ROBO1: variants seen among roughly 807,000 people sequenced by gnomAD.
ROBO1 encodes roundabout guidance receptor 1.
Under a neutral mutation model 195.9 loss-of-function variants are expected in ROBO1, and 149 were observed. That is an observed-to-expected ratio of 0.76 (90% CI 0.67 to 0.87). ROBO1 has a LOEUF of 0.87. ROBO1 is among the 40% of genes least tolerant of loss of function. ROBO1 has a pLI of 0.00. For missense variants in ROBO1, 1,933 were observed against 2,068.3 expected (o/e 0.93, Z 1.27); for synonymous variants, 816 against 733.2 (o/e 1.11, Z -1.82).
chr3:79,413,248 G>A (rs2037856505), intron 2 of ROBO1, among the ~76,000 whole-genome samples: 2 of 152,030 alleles, frequency 1.3e-5, no homozygotes, highest in Non-Finnish European at 2.9e-5. Context: ...TTTACTGTTA[G>A]CTCCCTGTTC....
chr3:78,708,427 C>T (rs1401858592), intron 8 of ROBO1, among the ~76,000 whole-genome samples: 1 of 151,382 alleles, frequency 6.6e-6, no homozygotes, highest in Non-Finnish European at 1.5e-5. Context: ...CTGTATTCAC[C>T]ATGCTTTTCC....
intron 4 of ROBO1, among the ~76,000 whole-genome samples, chr3:78,800,499 AAAT>A (rs1458239044): frequency 6.6e-6 from 1 of 152,120 alleles, no homozygotes; most frequent in African/African-American, 2.4e-5. Context: ...GTAATACTAA[AAAT>A]AATACTATCC....
At chr3:78,776,919 A>G (rs997748104) in intron 4 of ROBO1, among the ~76,000 whole-genome samples, 1 of 152,356 alleles carries the variant, frequency 6.6e-6, no homozygotes, top group Admixed American at 6.5e-5. Context: ...ATTATACAAG[A>G]CACACTTAAA....
chr3:79,234,367 A>G (rs113468872), intron 2 of ROBO1, among the ~76,000 whole-genome samples: 104 of 152,234 alleles, frequency 6.8e-4, no homozygotes, highest in African/African-American at 2.4e-3. Context: ...TTTTGCATAT[A>G]GCGAAAGATA....
At chr3:79,713,760 T>A (rs1560123894) in intron 1 of ROBO1, among the ~76,000 whole-genome samples, 1 of 152,164 alleles carries the variant, frequency 6.6e-6, no homozygotes, top group Non-Finnish European at 1.5e-5. Flanking sequence ...CATCTTGAAT[T>A]AATTTTTGTA....
chr3:79,639,432 A>T (rs1248323242), intron 1 of ROBO1, among the ~76,000 whole-genome samples: 3 of 152,180 alleles, frequency 2.0e-5, no homozygotes, highest in African/African-American at 4.8e-5. Flanking sequence ...AAGAAGAAAG[A>T]ACATTTTCTA....
At chr3:79,017,450 AGTGTGTGTGTGTGTGTGT>A (rs60522056) in intron 3 of ROBO1, among the ~76,000 whole-genome samples, 18 of 133,512 alleles carry the variant, frequency 1.3e-4, no homozygotes, top group Admixed American at 8.4e-4. Context: ...TCCGAGGTGC[AGTGTGTGTGTGTGTGTGT>A]GTGTGTGTGT....
At chr3:79,278,126 C>T (rs2031201230) in intron 2 of ROBO1, among the ~76,000 whole-genome samples, 1 of 151,700 alleles carries the variant, frequency 6.6e-6, no homozygotes, top group Admixed American at 6.6e-5. Context: ...AAGACATTTT[C>T]AAAGAAAACT....
intron 3 of ROBO1, among the ~76,000 whole-genome samples, chr3:78,981,913 C>T (rs1300798427): frequency 6.6e-6 from 1 of 151,908 alleles, no homozygotes; most frequent in African/African-American, 2.4e-5. Flanking sequence ...GTCTTAAAAC[C>T]CCCACTGCAG....
At chr3:78,731,351 C>T (rs1013970550) in intron 5 of ROBO1, among the ~76,000 whole-genome samples, 2 of 151,942 alleles carry the variant, frequency 1.3e-5, no homozygotes, top group African/African-American at 4.8e-5. Context: ...CCATATAAAC[C>T]GATCTTAAGA....
chr3:79,357,008 G>A (rs2035583421), intron 2 of ROBO1, among the ~76,000 whole-genome samples: 1 of 152,084 alleles, frequency 6.6e-6, no homozygotes. Flanking sequence ...TATGAGTTGG[G>A]AAATTCAGGG....
rs147481938 is a variant in ROBO1 at position 78,928,928 on chromosome 3, T to G, written c.499+9673A>C. On this transcript the variant is annotated intron_variant, in intron 4 of 30. Coordinates refer to ENST00000464233, the MANE Select transcript of ROBO1 (RefSeq NM_002941.4). Reference sequence around the variant, plus strand: ...AATCTACATACAGGACAGTATTACCTGGTAAATATGTACAGAGTCGGGGAG... The same window carrying G: ...AATCTACATACAGGACAGTATTACCGGGTAAATATGTACAGAGTCGGGGAG... 1.4e-3 allele frequency among the ~76,000 whole-genome samples: 214 copies of G among 152,304 alleles called. 4 individuals carry two copies. The East Asian group carries it at 0.037, about 26-fold the overall frequency.
chr3:78,839,560 T>C (rs1202184557), intron 4 of ROBO1, among the ~76,000 whole-genome samples: 1 of 152,006 alleles, frequency 6.6e-6, no homozygotes, highest in Non-Finnish European at 1.5e-5. Flanking sequence ...AATAGTAATA[T>C]TCATTAAATA....
At chr3:79,062,542 T>C (rs932040976) in intron 3 of ROBO1, among the ~76,000 whole-genome samples, 1 of 152,104 alleles carries the variant, frequency 6.6e-6, no homozygotes, top group African/African-American at 2.4e-5. Context: ...TAAAGAGACA[T>C]TCACACATAT....
intron 2 of ROBO1, among the ~76,000 whole-genome samples, chr3:79,301,564 T>C (rs2032958331): frequency 6.6e-6 from 1 of 152,220 alleles, no homozygotes; most frequent in South Asian, 2.1e-4. Context: ...TTGTGTGAGT[T>C]GATATTTGTC....
At chr3:79,159,946 G>T (rs947013652) in intron 2 of ROBO1, among the ~76,000 whole-genome samples, 1 of 151,970 alleles carries the variant, frequency 6.6e-6, no homozygotes, top group African/African-American at 2.4e-5. Context: ...GCATGCAAAG[G>T]CTAGAGCTAA....
At chr3:79,591,561 T>C (rs1944000333) in intron 1 of ROBO1, among the ~76,000 whole-genome samples, 1 of 151,908 alleles carries the variant, frequency 6.6e-6, no homozygotes, top group Non-Finnish European at 1.5e-5. Flanking sequence ...GGGTTAATGT[T>C]CTTGTAACTC....
chr3:78,896,548 G>A (rs329824), intron 4 of ROBO1, among the ~76,000 whole-genome samples: 45,124 of 148,070 alleles, frequency 0.3, 6,912 homozygotes, highest in Non-Finnish European at 0.34. Context: ...TAACTCCACC[G>A]ACTATCCCCA....
At chr3:79,311,475 A>C (rs552450883) in intron 2 of ROBO1, among the ~76,000 whole-genome samples, 1 of 152,270 alleles carries the variant, frequency 6.6e-6, no homozygotes, top group African/African-American at 2.4e-5. Context: ...ATTTCCACTA[A>C]ATGAAATTAA....
Sources: allele counts gnomAD v4.1 joint callset (sites outside exome capture counted in the v4.1 genomes callset), GRCh38; gene constraint gnomAD v4.1.1; transcripts MANE v1.5; gene names NCBI Gene and HGNC (gene_info 2026-07-23, HGNC 2026-07-21).